RP1: variants seen among roughly 807,000 people sequenced by gnomAD.
RP1 encodes the protein oxygen-regulated protein 1.
A neutral mutation model predicts 14.8 loss-of-function variants in RP1; 16 were observed. The ratio of observed to expected loss-of-function variants is 1.08; its 90% CI spans 0.73 to 1.65. The LOEUF (loss-of-function observed/expected upper bound fraction) is 1.65, where lower values mean the gene tolerates loss of function less well. Among genes scored for constraint, RP1 ranks in the 40% most tolerant of loss-of-function variants. The probability of loss-of-function intolerance (pLI) is 0.00; values close to 1 mark genes in which losing one functional copy is unlikely to be tolerated. For synonymous variants in RP1, 876 were observed against 883.6 expected, an observed-to-expected ratio of 0.99 and a Z score of 0.15; for missense variants, 2,631 against 2,535.0, an observed-to-expected ratio of 1.04 and a Z score of -0.81.
At chr8:54,574,273 C>A (rs1173721194) in intron 1 of RP1, among the ~76,000 whole-genome samples, 1 of 152,142 alleles carries the variant, frequency 6.6e-6, no homozygotes, top group Non-Finnish European at 1.5e-5. Flanking sequence ...CATGAAACAA[C>A]TGTGAAAGAA....
At chr8:54,856,010 C>A (rs959283450) in intron 26 of RP1, among the ~76,000 whole-genome samples, 2 of 151,132 alleles carry the variant, frequency 1.3e-5, no homozygotes, top group Non-Finnish European at 2.9e-5. Context: ...TAAATATATG[C>A]AGATATCATG....
intron 23 of RP1, among the ~76,000 whole-genome samples, chr8:54,780,716 G>T (rs567642155): frequency 5.9e-5 from 9 of 152,250 alleles, no homozygotes; most frequent in African/African-American, 2.2e-4. Flanking sequence ...TATACAAAAG[G>T]ATGTGTGTAT....
At chr8:54,755,011 A>C in intron 20 of RP1, 3 of 1,346,582 alleles carry the variant, frequency 2.2e-6, no homozygotes, top group Non-Finnish European at 2.9e-6. Context: ...CTTCTAAGCT[A>C]TTTAGTTACA....
chr8:54,747,671 C>A (rs1370239373), intron 19 of RP1, among the ~76,000 whole-genome samples: 1 of 152,166 alleles, frequency 6.6e-6, no homozygotes, highest in Non-Finnish European at 1.5e-5. Flanking sequence ...GAGCCCAAGG[C>A]CAGAGGATCT....
intron 28 of RP1, among the ~76,000 whole-genome samples, chr8:54,867,520 T>C (rs1435219773): frequency 1.3e-5 from 2 of 152,190 alleles, no homozygotes; most frequent in South Asian, 2.1e-4. Flanking sequence ...TTTATTCTTA[T>C]GTAAAATGGC....
chr8:54,625,954 C>T lies in RP1; in HGVS notation c.2072C>T (p.Ala691Val). 6.2e-7 allele frequency: 1 copy of T among 1,613,822 alleles called. No homozygotes were observed. Among genetic ancestry groups the T allele is most frequent in the Non-Finnish European group, 8.5e-7 (1 of 1,179,890 alleles). Residue 691 changes from alanine (A) to valine (V), a missense_variant, in exon 4 of 4, where the codon GCA becomes GTA. Physicochemically the swap from Ala to Val is moderately conservative, Grantham distance 64 (BLOSUM62 0). Transcript: ENST00000220676. Reference sequence around the variant, plus strand: ...TCCAGGTATCAAGATGGACAGCTTGCAACCAAAGGAATTCTTAATAAGAAT... The same window carrying T: ...TCCAGGTATCAAGATGGACAGCTTGTAACCAAAGGAATTCTTAATAAGAAT... ...INSRYQDGQLATKGILNKNER... is the reference protein window; with the variant it reads ...INSRYQDGQLVTKGILNKNER...
intron 15 of RP1, among the ~76,000 whole-genome samples, chr8:54,715,976 T>C (rs868188369): frequency 6.6e-6 from 1 of 152,230 alleles, no homozygotes; most frequent in Non-Finnish European, 1.5e-5. Context: ...AATTTTCTAT[T>C]GTGTAAGTCA....
intron 27 of RP1, among the ~76,000 whole-genome samples, chr8:54,857,512 C>A (rs1035997849): frequency 6.6e-6 from 1 of 151,104 alleles, no homozygotes; most frequent in Non-Finnish European, 1.5e-5. Context: ...AAATTATATA[C>A]ATTTACATTA....
chr8:54,693,674 C>T (rs1807778574), intron 12 of RP1, among the ~76,000 whole-genome samples: 1 of 152,090 alleles, frequency 6.6e-6, no homozygotes, highest in South Asian at 2.1e-4. Context: ...ATTTTGTATC[C>T]TGAGACTTTG....
intron 6 of RP1, among the ~76,000 whole-genome samples, chr8:54,657,624 A>G (rs1806784451): frequency 6.6e-6 from 1 of 152,180 alleles, no homozygotes; most frequent in Non-Finnish European, 1.5e-5. Context: ...CTAGAGGTAG[A>G]CACATAAGTT....
At chr8:54,853,066 G>A (rs1049161199) in intron 26 of RP1, among the ~76,000 whole-genome samples, 3 of 152,172 alleles carry the variant, frequency 2.0e-5, no homozygotes, top group Non-Finnish European at 4.4e-5. Context: ...GGGCTTGAGG[G>A]CCCAAGATCC....
Position 54,627,804 on chromosome 8 carries a change from A to G in RP1, c.3922A>G (p.Thr1308Ala). ...AGGAGAGGTCTGTTCACTTACTGAT[A>G]CTGTGTTTTCTGATAAGGCTTGTGC... ...FLGEVCSLTD[T>A]VFSDKACAQK... Residue 1308 changes from threonine to alanine, a missense_variant, in exon 4 of 4, where the codon ACT (threonine) becomes GCT (alanine). By Grantham distance (58) the Thr-to-Ala change is moderately conservative. Transcript: ENST00000220676. The G allele has an allele frequency of 6.2e-7, 1 of 1,614,186 alleles. No homozygotes were observed. The highest frequency in any genetic ancestry group is 8.5e-7 in the Non-Finnish European group (1 of 1,179,980).
intron 25 of RP1, among the ~76,000 whole-genome samples, chr8:54,847,663 C>A (rs1811958542): frequency 6.6e-6 from 1 of 152,248 alleles, no homozygotes; most frequent in Admixed American, 6.5e-5. Context: ...GGGAGCCCCT[C>A]TACTCTCTTG....
chr8:54,691,687 G>A (rs947193751), intron 12 of RP1, among the ~76,000 whole-genome samples: 2 of 151,946 alleles, frequency 1.3e-5, no homozygotes, highest in East Asian at 1.9e-4. Flanking sequence ...GCATGTAGGG[G>A]ACAAGGGAAA....
chr8:54,835,475 A>T (rs1811635622), intron 24 of RP1, among the ~76,000 whole-genome samples: 1 of 152,186 alleles, frequency 6.6e-6, no homozygotes, highest in Non-Finnish European at 1.5e-5. Flanking sequence ...TTTTAATTTC[A>T]TTTATGATGG....
intron 21 of RP1, among the ~76,000 whole-genome samples, chr8:54,756,872 T>C (rs1438624585): frequency 6.6e-6 from 1 of 152,204 alleles, no homozygotes; most frequent in Non-Finnish European, 1.5e-5. Flanking sequence ...ATCTTCATGA[T>C]TGATCTTCCT....
chr8:54,772,838 C>G (rs1809942673), downstream of RP1, among the ~76,000 whole-genome samples: 2 of 152,236 alleles, frequency 1.3e-5, no homozygotes, highest in South Asian at 2.1e-4. Context: ...TTGGATTTAT[C>G]TTGTTGTGTT....
intron 1 of RP1, among the ~76,000 whole-genome samples, chr8:54,567,674 G>GT (rs1395070814): frequency 1.3e-5 from 2 of 152,124 alleles, no homozygotes; most frequent in African/African-American, 4.8e-5. Flanking sequence ...AAAACCTCTT[G>GT]TAAATGCATA....
intron 12 of RP1, among the ~76,000 whole-genome samples, chr8:54,691,987 C>T (rs1037862461): frequency 6.6e-6 from 1 of 151,886 alleles, no homozygotes; most frequent in Non-Finnish European, 1.5e-5. Context: ...CTACAACAGT[C>T]CCCAGAGTGT....
Sources: gnomAD v4.1 joint callset for allele counts (sites outside exome capture counted in the v4.1 genomes callset) on GRCh38, gnomAD v4.1.1 for gene constraint, MANE v1.5 for transcripts, NCBI Gene and HGNC (gene_info 2026-07-23, HGNC 2026-07-21) for gene names.